ZFR: variants seen among roughly 807,000 people sequenced by gnomAD.
ZFR encodes the protein zinc finger RNA-binding protein.
Under a neutral mutation model 130.7 loss-of-function variants are expected in ZFR, and 19 were observed. The ratio of observed to expected loss-of-function variants is 0.15; its 90% confidence interval spans 0.10 to 0.21. The LOEUF is 0.21. ZFR is among the 10% of genes least tolerant of loss of function. ZFR has a pLI of 1.00. For missense variants in ZFR, 872 were observed against 1,321.5 expected (o/e 0.66, Z 5.27); for synonymous variants, 466 against 456.9 (o/e 1.02, Z -0.25).
chr5:32,379,662 T>C (rs1752894621), intron 16 of ZFR: 2 of 195,546 alleles, frequency 1.0e-5, no homozygotes, highest in South Asian at 1.9e-4. Flanking sequence ...CTCCCTACAC[T>C]TATTAACTTA....
At chr5:32,414,629 T>C (rs747672135) in intron 5 of ZFR, among the ~76,000 whole-genome samples, 18 of 152,200 alleles carry the variant, frequency 1.2e-4, no homozygotes, top group Non-Finnish European at 2.5e-4. Context: ...CCCTGAGTAT[T>C]AACCTTGAGT....
intron 5 of ZFR, among the ~76,000 whole-genome samples, chr5:32,413,606 A>G (rs1753758078): frequency 6.6e-6 from 1 of 152,134 alleles, no homozygotes; most frequent in African/African-American, 2.4e-5. Flanking sequence ...AGCACATATA[A>G]GAGAGAAACA....
chr5:32,444,100 G>A (rs1754541943), intron 2 of ZFR, 129 bp downstream of exon 2: 2 of 958,702 alleles, frequency 2.1e-6, no homozygotes, highest in African/African-American at 1.7e-5. Flanking sequence ...CGCCGGGCTG[G>A]GCCGGGCCAG....
intron 6 of ZFR, among the ~76,000 whole-genome samples, chr5:32,405,602 T>C (rs1331486428): frequency 6.6e-6 from 1 of 152,228 alleles, no homozygotes; most frequent in East Asian, 1.9e-4. Context: ...TATGTCCAAG[T>C]CTGGCACTCA....
intron 2 of ZFR, among the ~76,000 whole-genome samples, chr5:32,422,982 C>A (rs573565652): frequency 1.3e-5 from 2 of 151,822 alleles, no homozygotes; most frequent in Non-Finnish European, 2.9e-5. Context: ...TCAACAACAA[C>A]AAAAAGTGAG....
rs10693151 is a variant in ZFR at position 32,422,798 on chromosome 5, C to CAAAAAAAAAAAAA, written c.138-2708_138-2696dup. ...CTGGATGACAGAGTAAAACCTGTCT[C>CAAAAAAAAAAAAA]AAAAAAAAAAAAAAAAAAAAAAAAG... On this transcript the variant is annotated intron_variant, in intron 2 of 19. Coordinates refer to ENST00000265069, the MANE Select transcript of ZFR (RefSeq NM_016107.5). 1.0e-3 allele frequency among the ~76,000 whole-genome samples: 24 copies of CAAAAAAAAAAAAA among 24,006 alleles called. 3 individuals carry two copies. Among genetic ancestry groups the CAAAAAAAAAAAAA allele is most frequent in the African/African-American group, 3.3e-3 (22 of 6,756 alleles). 15.7% of individuals were successfully genotyped at this position (24,006 alleles called of 152,430 possible).
At chr5:32,425,246 T>A (rs1269425457) in intron 2 of ZFR, among the ~76,000 whole-genome samples, 1 of 152,132 alleles carries the variant, frequency 6.6e-6, no homozygotes, top group African/African-American at 2.4e-5. Context: ...ACAACAGTGG[T>A]TCTCAATGTG....
At chr5:32,432,742 C>T (rs1333547830) in intron 2 of ZFR, among the ~76,000 whole-genome samples, 1 of 151,880 alleles carries the variant, frequency 6.6e-6, no homozygotes, top group African/African-American at 2.4e-5. Context: ...GGTTCCATTT[C>T]TTCTTTTTAT....
chr5:32,397,130 T>C, intron 10 of ZFR, 89 bp downstream of exon 10: 1 of 1,458,298 alleles, frequency 6.9e-7, no homozygotes, highest in Non-Finnish European at 9.2e-7. Flanking sequence ...AAGCTGTGTT[T>C]AGATGCTTTC....
At chr5:32,401,723 T>G (rs1753451739) in intron 8 of ZFR, among the ~76,000 whole-genome samples, 1 of 152,118 alleles carries the variant, frequency 6.6e-6, no homozygotes, top group African/African-American at 2.4e-5. Flanking sequence ...ACTAACACAA[T>G]AGATATGTAT....
intron 5 of ZFR, among the ~76,000 whole-genome samples, chr5:32,414,541 T>C (rs1753777455): frequency 6.6e-6 from 1 of 152,244 alleles, no homozygotes; most frequent in East Asian, 1.9e-4. Context: ...CTACCCAACA[T>C]TTCCATGATG....
intron 17 of ZFR, among the ~76,000 whole-genome samples, chr5:32,366,614 T>C (rs1185489000): frequency 6.6e-6 from 1 of 152,146 alleles, no homozygotes; most frequent in East Asian, 1.9e-4. Context: ...CTAAAGAACA[T>C]AGCTATTCTC....
intron 19 of ZFR, among the ~76,000 whole-genome samples, chr5:32,357,530 T>C (rs557009947): frequency 6.6e-6 from 1 of 152,342 alleles, no homozygotes; most frequent in South Asian, 2.1e-4. Flanking sequence ...CCTCCCGAAG[T>C]GCTGGGATTA....
intron 19 of ZFR, 67 bp from the exon 20 acceptor site, chr5:32,356,006 T>TAAA: frequency 1.6e-6 from 2 of 1,283,328 alleles, no homozygotes; most frequent in South Asian, 3.5e-5. Context: ...TTACTACATT[T>TAAA]ACCTCCCTCC....
intron 17 of ZFR, among the ~76,000 whole-genome samples, chr5:32,377,934 G>A (rs553262439): frequency 5.3e-4 from 81 of 151,454 alleles, no homozygotes; most frequent in African/African-American, 1.8e-3. Context: ...TCAGTGATCC[G>A]CCCGCCTCGG....
Position 32,404,103 on chromosome 5 carries a change from T to G in ZFR, c.1033-6A>C, listed in dbSNP as rs373430254. On this transcript the variant is annotated splice_region_variant and splice_polypyrimidine_tract_variant and intron_variant, in intron 6 of 19. Coordinates refer to ENST00000265069, the MANE Select transcript of ZFR (RefSeq NM_016107.5). ...TCTAAATGTTCTTTATAAGTCTGTT[T>G]CAAATAAAAAGGAAACATTTTGCTT... is the stretch of plus-strand genomic sequence containing the variant. 1.7e-4 allele frequency: 276 copies of G among 1,580,506 alleles called. 2 individuals are homozygous for G. Among genetic ancestry groups the G allele is most frequent in the Middle Eastern group, 1.7e-3 (10 of 5,852 alleles).
chr5:32,416,905 ATTTTTTTTC>A (rs1300813093), intron 4 of ZFR, among the ~76,000 whole-genome samples: 1 of 52,778 alleles, frequency 1.9e-5, no homozygotes, highest in African/African-American at 6.5e-5. Flanking sequence ...GGAAGTGCCC[ATTTTTTTTC>A]TTTTTTTTTT....
At chr5:32,409,655 C>T (rs1407044358) in intron 5 of ZFR, among the ~76,000 whole-genome samples, 2 of 152,282 alleles carry the variant, frequency 1.3e-5, no homozygotes, top group South Asian at 4.1e-4. Flanking sequence ...ACCCACCTAC[C>T]TCGGCCTCTC....
intron 4 of ZFR, among the ~76,000 whole-genome samples, chr5:32,417,136 C>T (rs1179554017): frequency 3.8e-5 from 5 of 132,820 alleles, no homozygotes; most frequent in Admixed American, 9.4e-5. Context: ...AAAAAAAAAT[C>T]CATCTTTTAA....
Sources: gnomAD v4.1 joint callset for allele counts (sites outside exome capture counted in the v4.1 genomes callset) on GRCh38, gnomAD v4.1.1 for gene constraint, MANE v1.5 for transcripts, NCBI Gene and HGNC (gene_info 2026-07-23, HGNC 2026-07-21) for gene names.